The following LEKR1 variants were observed in gnomAD, a reference collection of about 807,000 sequenced individuals.
LEKR1 encodes the protein protein LEKR1.
Under a neutral mutation model 72.4 loss-of-function variants are expected in LEKR1, and 59 were observed. The ratio of observed to expected loss-of-function variants is 0.82; its 90% confidence interval spans 0.66 to 1.01. The LOEUF is 1.01. Among genes scored for constraint, LEKR1 ranks in the 50% least tolerant of loss-of-function variants. The pLI is 0.00. For synonymous variants in LEKR1, 257 were observed against 263.2 expected, an observed-to-expected ratio of 0.98 and a Z score of 0.23; for missense variants, 728 against 759.2, an observed-to-expected ratio of 0.96 and a Z score of 0.48.
chr3:157,003,067 G>A (rs1005858538), intron 9 of LEKR1, among the ~76,000 whole-genome samples: 3 of 152,156 alleles, frequency 2.0e-5, no homozygotes, highest in Non-Finnish European at 2.9e-5. Context: ...GTATTCACAG[G>A]CACTATCAGG....
At chr3:156,986,677 A>T (rs1730718436) in intron 7 of LEKR1, among the ~76,000 whole-genome samples, 1 of 152,234 alleles carries the variant, frequency 6.6e-6, no homozygotes, top group Non-Finnish European at 1.5e-5. Context: ...ACAACTTAGT[A>T]GTTACGTCAA....
chr3:156,829,449 G>T, intron 2 of LEKR1, 72 bp downstream of exon 2: 2 of 1,064,774 alleles, frequency 1.9e-6, no homozygotes, highest in South Asian at 3.1e-5. Flanking sequence ...AAACCTAGAG[G>T]AGTGAATTCA....
chr3:156,888,653 T>C (rs1032698110), intron 3 of LEKR1, among the ~76,000 whole-genome samples: 1 of 152,212 alleles, frequency 6.6e-6, no homozygotes, highest in Non-Finnish European at 1.5e-5. Flanking sequence ...TTGTCTTCTC[T>C]TTCTCTAACC....
At chr3:157,004,410 T>C (rs1354178429) in intron 9 of LEKR1, among the ~76,000 whole-genome samples, 1 of 152,110 alleles carries the variant, frequency 6.6e-6, no homozygotes, top group Non-Finnish European at 1.5e-5. Context: ...TAATAGCTGA[T>C]AAAACAAGTA....
chr3:156,978,726 T>C (rs374521113), intron 6 of LEKR1, among the ~76,000 whole-genome samples: 2 of 152,172 alleles, frequency 1.3e-5, no homozygotes, highest in East Asian at 3.8e-4. Flanking sequence ...TACCCAGAGT[T>C]AACACGTTCT....
chr3:156,853,017 G>A (rs1715585685), intron 3 of LEKR1, 35 bp downstream of exon 3: 1 of 1,353,092 alleles, frequency 7.4e-7, no homozygotes, highest in Non-Finnish European at 1.0e-6. Context: ...CATTTATTTA[G>A]TTGAAAGACA....
intron 7 of LEKR1, among the ~76,000 whole-genome samples, chr3:156,991,287 A>G (rs1731124625): frequency 6.6e-6 from 1 of 152,034 alleles, no homozygotes; most frequent in South Asian, 2.1e-4. Context: ...GGTAATCACC[A>G]GAGTATTCTT....
chr3:157,011,339 C>T (rs1457363439), intron 9 of LEKR1, 74 bp from the exon 10 acceptor site: 11 of 993,480 alleles, frequency 1.1e-5, no homozygotes, highest in South Asian at 7.8e-5. Flanking sequence ...TAATATCTCC[C>T]GACCCAGGAA....
chr3:156,846,428 C>G (rs545430127), intron 2 of LEKR1, among the ~76,000 whole-genome samples: 8 of 151,432 alleles, frequency 5.3e-5, no homozygotes, highest in African/African-American at 1.9e-4. Context: ...TCTTTTACTA[C>G]TAATTATAAT....
chr3:156,961,367 T>C (rs1337819880), intron 6 of LEKR1, among the ~76,000 whole-genome samples: 1 of 152,126 alleles, frequency 6.6e-6, no homozygotes, highest in Non-Finnish European at 1.5e-5. Context: ...ATCAGCAAAG[T>C]CGAATTTTGG....
At chr3:156,908,777 AT>A (rs11425846) in intron 3 of LEKR1, among the ~76,000 whole-genome samples, 1 of 151,710 alleles carries the variant, frequency 6.6e-6, no homozygotes, top group Admixed American at 6.6e-5. Flanking sequence ...CTGAGCTTTC[AT>A]TTTTTTTGTC....
chr3:156,917,385 C>T (rs976361844), intron 3 of LEKR1, among the ~76,000 whole-genome samples: 4 of 152,066 alleles, frequency 2.6e-5, no homozygotes, highest in African/African-American at 9.7e-5. Flanking sequence ...CAAGTACTCA[C>T]CAAGTGCCCA....
chr3:157,018,606 T>C (rs9842862), intron 10 of LEKR1, among the ~76,000 whole-genome samples: 74 of 152,058 alleles, frequency 4.9e-4, no homozygotes, highest in Admixed American at 1.9e-3. Flanking sequence ...ATGTAGGGGT[T>C]GGGGGGACAG....
intron 6 of LEKR1, 43 bp from the exon 7 acceptor site, chr3:156,979,151 C>A: frequency 1.1e-6 from 1 of 887,510 alleles, no homozygotes; most frequent in Non-Finnish European, 1.6e-6. Context: ...TATCTGGACA[C>A]TTAAAATGTA....
intron 3 of LEKR1, among the ~76,000 whole-genome samples, chr3:156,919,042 C>T (rs989961894): frequency 1.3e-5 from 2 of 152,104 alleles, no homozygotes; most frequent in South Asian, 2.1e-4. Context: ...TGGATTAGTT[C>T]CCAAGATAGC....
intron 3 of LEKR1, among the ~76,000 whole-genome samples, chr3:156,901,397 C>T (rs1046081393): frequency 1.3e-5 from 2 of 152,142 alleles, no homozygotes; most frequent in African/African-American, 2.4e-5. Flanking sequence ...TATTGTTTTA[C>T]ACTCTTCATA....
chr3:156,936,993 T>C (rs1261114481), intron 5 of LEKR1, among the ~76,000 whole-genome samples: 1 of 152,090 alleles, frequency 6.6e-6, no homozygotes, highest in Non-Finnish European at 1.5e-5. Context: ...TTTAAGAACT[T>C]TTGCAGAGTG....
intron 3 of LEKR1, among the ~76,000 whole-genome samples, chr3:156,910,750 G>A (rs938575331): frequency 5.9e-5 from 9 of 152,186 alleles, no homozygotes; most frequent in African/African-American, 2.2e-4. Context: ...GTCCATCACT[G>A]ATGAACACCT....
chr3:156,997,659 C>T (rs1426667313), intron 9 of LEKR1, among the ~76,000 whole-genome samples: 2 of 152,182 alleles, frequency 1.3e-5, no homozygotes, highest in Non-Finnish European at 2.9e-5. Context: ...AGATACACAC[C>T]AGCCTTCCTC....
Sources: gnomAD v4.1 joint callset for allele counts (sites outside exome capture counted in the v4.1 genomes callset) on GRCh38, gnomAD v4.1.1 for gene constraint, MANE v1.5 for transcripts, NCBI Gene and HGNC (gene_info 2026-07-23, HGNC 2026-07-21) for gene names.